Variants in LIPI observed in about 807,000 individuals in gnomAD.
The protein encoded by LIPI is lipase I.
Under a neutral mutation model 50.6 loss-of-function variants are expected in LIPI, and 59 were observed. The ratio of observed to expected loss-of-function variants is 1.16; its 90% CI spans 0.94 to 1.45. The LOEUF (loss-of-function observed/expected upper bound fraction) is 1.45. Among genes scored for constraint, LIPI ranks in the 40% most tolerant of loss-of-function variants. The pLI, the probability that LIPI is intolerant of heterozygous loss-of-function variation, is 0.00. For synonymous variants in LIPI, 203 were observed against 178.2 expected, an observed-to-expected ratio of 1.14 and a Z score of -1.11; for missense variants, 586 against 536.3, an observed-to-expected ratio of 1.09 and a Z score of -0.92.
intron 3 of LIPI, among the ~76,000 whole-genome samples, chr21:14,184,893 G>A (rs1170185091): frequency 1.3e-5 from 2 of 152,114 alleles, no homozygotes; most frequent in African/African-American, 4.8e-5. Context: ...ACTAATCAGA[G>A]TAAGTAAGGG....
At chr21:14,185,253 T>C (rs2019411907) in intron 3 of LIPI, among the ~76,000 whole-genome samples, 1 of 152,242 alleles carries the variant, frequency 6.6e-6, no homozygotes, top group African/African-American at 2.4e-5. Context: ...GATTCTTTTG[T>C]AGCATTCAAG....
chr21:14,203,652 G>A (rs187846481), intron 1 of LIPI, among the ~76,000 whole-genome samples: 45 of 152,218 alleles, frequency 3.0e-4, no homozygotes, highest in Non-Finnish European at 5.1e-4. Flanking sequence ...CATGGACACA[G>A]GAAGGTGAAC....
chr21:14,157,912 T>C (rs2018328585), intron 7 of LIPI, among the ~76,000 whole-genome samples: 1 of 151,854 alleles, frequency 6.6e-6, no homozygotes, highest in Non-Finnish European at 1.5e-5. Context: ...TCACTGTATT[T>C]GAGGGGGAGG....
chr21:14,117,261 A>G (rs2016683561), intron 9 of LIPI, among the ~76,000 whole-genome samples: 1 of 152,174 alleles, frequency 6.6e-6, no homozygotes, highest in African/African-American at 2.4e-5. Flanking sequence ...TCCCTCCTAT[A>G]CGGAAAAACC....
At chr21:14,192,241 G>A (rs1215453167) in intron 1 of LIPI, among the ~76,000 whole-genome samples, 1 of 152,130 alleles carries the variant, frequency 6.6e-6, no homozygotes, top group Non-Finnish European at 1.5e-5. Flanking sequence ...GAGCTGGGTG[G>A]GTCACCTGAG....
chr21:14,110,934 C>CATACATATATATGGT (rs2016386158), intron 9 of LIPI, among the ~76,000 whole-genome samples: 1 of 146,848 alleles, frequency 6.8e-6, no homozygotes, highest in Non-Finnish European at 1.5e-5. Flanking sequence ...TAGTATATAC[C>CATACATATATATGGT]ATATACTATA....
At chr21:14,191,268 T>C (rs1338494535) in intron 1 of LIPI, among the ~76,000 whole-genome samples, 1 of 149,668 alleles carries the variant, frequency 6.7e-6, no homozygotes, top group Non-Finnish European at 1.5e-5. Context: ...TCCTAGCTAC[T>C]TGGGAGGCTG....
At chr21:14,117,129 C>T (rs2016678469) in intron 9 of LIPI, among the ~76,000 whole-genome samples, 2 of 152,162 alleles carry the variant, frequency 1.3e-5, no homozygotes, top group Admixed American at 6.5e-5. Flanking sequence ...CATGCAGATG[C>T]CCCTCAGAGA....
At chr21:14,187,541 C>A (rs1031646700) in intron 2 of LIPI, among the ~76,000 whole-genome samples, 4 of 152,292 alleles carry the variant, frequency 2.6e-5, no homozygotes, top group African/African-American at 7.2e-5. Flanking sequence ...TCTAATATTA[C>A]AAATTTTCCT....
Position 14,108,867 on chromosome 21 carries a change from AT to A in LIPI, c.*125del, listed in dbSNP as rs1317483634. ...ATTTTCTTTATTTTTGATTCTTAAA[AT>A]TTTTTCCAAGAAATAGAAATACTTG... On this transcript the variant is annotated 3_prime_UTR_variant, in exon 10 of 10. Transcript: ENST00000681601. The A allele has an allele frequency of 6.7e-5, 79 of 1,172,524 alleles. No homozygotes were observed. The highest frequency in any genetic ancestry group is 8.9e-5 in the Non-Finnish European group (73 of 816,096). 72.6% of individuals were successfully genotyped at this position (1,172,524 alleles called of 1,614,324 possible).
intron 9 of LIPI, among the ~76,000 whole-genome samples, chr21:14,121,764 A>G (rs905470468): frequency 1.3e-5 from 2 of 152,172 alleles, no homozygotes; most frequent in Admixed American, 6.5e-5. Flanking sequence ...CCTCAGTTCA[A>G]GACCAGTGGA....
intron 7 of LIPI, among the ~76,000 whole-genome samples, chr21:14,162,753 T>C (rs557995807): frequency 6.6e-6 from 1 of 151,856 alleles, no homozygotes; most frequent in Non-Finnish European, 1.5e-5. Flanking sequence ...ATGACTGACC[T>C]AAAATATTTT....
intron 1 of LIPI, among the ~76,000 whole-genome samples, chr21:14,208,170 T>C (rs2020275722): frequency 1.3e-5 from 2 of 152,140 alleles, no homozygotes; most frequent in African/African-American, 4.8e-5. Flanking sequence ...CAGAATCCCA[T>C]GGGTTCTGGA....
At chr21:14,121,164 C>T (rs2016847383) in intron 9 of LIPI, among the ~76,000 whole-genome samples, 1 of 152,190 alleles carries the variant, frequency 6.6e-6, no homozygotes, top group African/African-American at 2.4e-5. Flanking sequence ...TAGAATGCCT[C>T]TACCTTTAGG....
At chr21:14,183,248 G>A (rs929424643) in intron 3 of LIPI, among the ~76,000 whole-genome samples, 3 of 152,036 alleles carry the variant, frequency 2.0e-5, no homozygotes, top group African/African-American at 7.2e-5. Context: ...TTAATAAATG[G>A]TGCTGGGAAA....
At chr21:14,117,013 C>A (rs1281467489) in intron 9 of LIPI, among the ~76,000 whole-genome samples, 1 of 152,016 alleles carries the variant, frequency 6.6e-6, no homozygotes, top group Non-Finnish European at 1.5e-5. Flanking sequence ...GAGGAGAGTA[C>A]CCCCCAAACT....
At chr21:14,118,710 G>T (rs1252034317) in intron 9 of LIPI, among the ~76,000 whole-genome samples, 3 of 152,170 alleles carry the variant, frequency 2.0e-5, no homozygotes, top group African/African-American at 2.4e-5. Context: ...AAGTTATCAG[G>T]AGTCTGGGCA....
At chr21:14,170,104 G>A (rs893773634) in intron 4 of LIPI, among the ~76,000 whole-genome samples, 1 of 152,172 alleles carries the variant, frequency 6.6e-6, no homozygotes, top group East Asian at 1.9e-4. Flanking sequence ...AAATAAACTA[G>A]AAAATCTAGA....
chr21:14,207,099 G>A, intron 1 of LIPI: 1 of 576,982 alleles, frequency 1.7e-6, no homozygotes, highest in Non-Finnish European at 3.1e-6. Context: ...TAGGTAAAAT[G>A]TTAAAATCCC....
Sources: gnomAD v4.1 joint callset for allele counts (sites outside exome capture counted in the v4.1 genomes callset) on GRCh38, gnomAD v4.1.1 for gene constraint, MANE v1.5 for transcripts, NCBI Gene and HGNC (gene_info 2026-07-23, HGNC 2026-07-21) for gene names.